SLC8A3: variants seen among roughly 807,000 people sequenced by gnomAD.
The protein encoded by SLC8A3 is sodium/calcium exchanger 3.
In SLC8A3, 37 loss-of-function variants were observed where a neutral mutation model predicts 65.4. The observed-to-expected ratio is 0.57, with a 90% CI of 0.44 to 0.74. The LOEUF (loss-of-function observed/expected upper bound fraction) is 0.74, where lower values mean the gene tolerates loss of function less well. SLC8A3 is among the 30% of genes least tolerant of loss of function. The pLI is 0.00. For missense variants in SLC8A3, 1,112 were observed against 1,172.1 expected, an observed-to-expected ratio of 0.95 and a Z score of 0.75; for synonymous variants, 461 against 444.5, an observed-to-expected ratio of 1.04 and a Z score of -0.47.
intron 3 of SLC8A3, among the ~76,000 whole-genome samples, chr14:70,059,784 G>T (rs76414907): frequency 6.6e-6 from 1 of 152,152 alleles, no homozygotes; most frequent in African/African-American, 2.4e-5. Context: ...CTGTCTGTCA[G>T]GGATCAGCAC....
intron 2 of SLC8A3, among the ~76,000 whole-genome samples, chr14:70,098,338 C>G (rs1324416045): frequency 6.6e-6 from 1 of 152,180 alleles, no homozygotes; most frequent in Non-Finnish European, 1.5e-5. Flanking sequence ...ACAGTCACCT[C>G]CCCCTTTCCC....
At position 70,046,032 on chromosome 14, in the gene SLC8A3, G is replaced by A. The variant is rs1420877793; in HGVS notation, c.2681C>T (p.Ala894Val). The change falls in exon 7 of 7, where the codon GCC (alanine) becomes GTC (valine). Residue 894 changes from alanine (A) to valine (V), a missense_variant. Physicochemically the swap from Ala to Val is moderately conservative, Grantham distance 64 (BLOSUM62 0). Transcript: ENST00000356921. This position sits in a 1 kb window ranked among gnomAD's most constrained non-coding sequence, Gnocchi z 4.2. Reference protein sequence around the residue: ...ELGGPRGCKLATTWLFVSLWL... With the variant: ...ELGGPRGCKLVTTWLFVSLWL... The stretch of plus-strand genomic sequence containing the variant: ...CAGGCTCACAAAGAGCCATGTTGTG[G>A]CGAGCTTGCAGCCACGGGGGCCACC... 2 of 1,613,688 alleles carry A rather than the reference G, an allele frequency of 1.2e-6. No homozygotes were observed. The highest frequency in any genetic ancestry group is 2.7e-5 in the African/African-American group (2 of 74,930).
intron 2 of SLC8A3, among the ~76,000 whole-genome samples, chr14:70,137,149 C>CT (rs11314654): frequency 0.034 from 4,961 of 144,738 alleles, 112 homozygotes; most frequent in African/African-American, 0.058. Context: ...GTTTATATAT[C>CT]TTTTTTTTTT....
At chr14:70,145,966 A>T (rs1403761574) in intron 2 of SLC8A3, among the ~76,000 whole-genome samples, 1 of 141,470 alleles carries the variant, frequency 7.1e-6, no homozygotes, top group African/African-American at 2.5e-5. Context: ...AGAGGGAGGG[A>T]GGGAGGGAAG....
chr14:70,091,660 A>T (rs1419179353), intron 2 of SLC8A3, among the ~76,000 whole-genome samples: 2 of 152,128 alleles, frequency 1.3e-5, no homozygotes, highest in Non-Finnish European at 2.9e-5. Flanking sequence ...TGATCATTTG[A>T]ATCACCATCT....
chr14:70,153,523 C>T (rs1341224743), intron 2 of SLC8A3, among the ~76,000 whole-genome samples: 1 of 152,158 alleles, frequency 6.6e-6, no homozygotes, highest in Non-Finnish European at 1.5e-5. Flanking sequence ...GGGGTGTTGC[C>T]TCTGTATGGC....
At chr14:70,132,857 T>C (rs1293154445) in intron 2 of SLC8A3, among the ~76,000 whole-genome samples, 1 of 152,166 alleles carries the variant, frequency 6.6e-6, no homozygotes, top group African/African-American at 2.4e-5. Flanking sequence ...ATTCACTACA[T>C]GACAGAAGGA....
At chr14:70,129,551 G>T (rs1362507703) in intron 2 of SLC8A3, among the ~76,000 whole-genome samples, 1 of 152,144 alleles carries the variant, frequency 6.6e-6, no homozygotes, top group Non-Finnish European at 1.5e-5. Flanking sequence ...CATTTAGTAA[G>T]CTTCATGAAT....
At chr14:70,117,196 C>G (rs1221420861) in intron 2 of SLC8A3, among the ~76,000 whole-genome samples, 1 of 152,224 alleles carries the variant, frequency 6.6e-6, no homozygotes, top group African/African-American at 2.4e-5. Flanking sequence ...GAGTGCCCCT[C>G]TTAGGATGCC....
At chr14:70,169,779 C>T (rs1343550281) in intron 1 of SLC8A3, among the ~76,000 whole-genome samples, 4 of 151,772 alleles carry the variant, frequency 2.6e-5, no homozygotes, top group African/African-American at 9.7e-5. Flanking sequence ...TTGTACAGCA[C>T]CTTAAAGACT....
Position 70,048,973 on chromosome 14 carries a change from A to G in SLC8A3, c.2183T>C (p.Phe728Ser). Residue 728 changes from phenylalanine (F) to serine (S), a missense_variant, in exon 6 of 7, where the codon TTC becomes TCC. Coordinates refer to ENST00000356921, the MANE Select transcript of SLC8A3 (RefSeq NM_182932.3). ...LPSCFDYVMH[F>S]LTVFWKVLFA... ...CAGCACCTTCCAGAAGACAGTCAGGAAGTGCATGACGTAGTCAAAGCAGGA... is the reference window on the plus strand; with the variant it reads ...CAGCACCTTCCAGAAGACAGTCAGGGAGTGCATGACGTAGTCAAAGCAGGA... The G allele has an allele frequency of 6.2e-7, 1 of 1,614,228 alleles. No individual in the cohort carries two copies. Among genetic ancestry groups the G allele is most frequent in the Non-Finnish European group, 8.5e-7 (1 of 1,180,026 alleles).
rs1886830899 is a variant in SLC8A3 at position 70,046,661 on chromosome 14, G to A, written c.2390-338C>T. ...TGCCATCCCATAATATCTCCCCAGGGAACCTTGACACCCTGGGAAGCTGCT... is the reference window on the plus strand; with the variant it reads ...TGCCATCCCATAATATCTCCCCAGGAAACCTTGACACCCTGGGAAGCTGCT... On this transcript the variant is annotated intron_variant, in intron 6 of 6. Transcript: ENST00000356921. This position sits in a 1 kb window ranked among gnomAD's most constrained non-coding sequence, Gnocchi z 4.2. 1 of 231,006 alleles carries A rather than the reference G, an allele frequency of 4.3e-6. No individual in the cohort carries two copies. Among genetic ancestry groups the A allele is most frequent in the African/African-American group, 2.2e-5 (1 of 44,834 alleles). 14.3% of individuals were successfully genotyped at this position (231,006 alleles called of 1,614,324 possible).
intron 2 of SLC8A3, among the ~76,000 whole-genome samples, chr14:70,149,200 G>A (rs974278968): frequency 6.6e-6 from 1 of 152,170 alleles, no homozygotes; most frequent in Non-Finnish European, 1.5e-5. Context: ...CCTTGCTTAG[G>A]TAAAATGAAG....
chr14:70,121,651 G>T (rs1487396193), intron 2 of SLC8A3, among the ~76,000 whole-genome samples: 1 of 152,126 alleles, frequency 6.6e-6, no homozygotes, highest in Non-Finnish European at 1.5e-5. Context: ...AGAACCAGTG[G>T]TTACCTTCTG....
intron 3 of SLC8A3, among the ~76,000 whole-genome samples, chr14:70,054,444 G>A (rs1887851497): frequency 6.6e-6 from 1 of 151,560 alleles, no homozygotes; most frequent in Admixed American, 6.6e-5. Context: ...TTCTATTGAT[G>A]TTTGCAAATA....
chr14:70,129,200 G>A (rs1894670351), intron 2 of SLC8A3, among the ~76,000 whole-genome samples: 1 of 152,184 alleles, frequency 6.6e-6, no homozygotes, highest in Non-Finnish European at 1.5e-5. Context: ...GGAAGAGAGT[G>A]TAACAGCATG....
At chr14:70,098,261 A>G (rs1361360394) in intron 2 of SLC8A3, among the ~76,000 whole-genome samples, 2 of 151,490 alleles carry the variant, frequency 1.3e-5, no homozygotes, top group East Asian at 3.9e-4. Context: ...CCAATTCCAT[A>G]AAACTCTTTT....
chr14:70,138,590 G>A (rs1895373779), intron 2 of SLC8A3, among the ~76,000 whole-genome samples: 1 of 152,182 alleles, frequency 6.6e-6, no homozygotes, highest in Non-Finnish European at 1.5e-5. Context: ...GGAAGGTGTG[G>A]ACTCAGAGCT....
intron 2 of SLC8A3, among the ~76,000 whole-genome samples, chr14:70,076,067 CT>C (rs1453699770): frequency 1.3e-5 from 2 of 152,360 alleles, no homozygotes; most frequent in East Asian, 3.9e-4. Context: ...CCTTCTACTA[CT>C]TTTCCACCAC....
Sources: allele counts gnomAD v4.1 joint callset (sites outside exome capture counted in the v4.1 genomes callset), GRCh38; gene constraint gnomAD v4.1.1; non-coding constraint Gnocchi (gnomAD v3.1); transcripts MANE v1.5; gene names NCBI Gene and HGNC (gene_info 2026-07-23, HGNC 2026-07-21).